SYNE1: variants seen among roughly 807,000 people sequenced by gnomAD.
SYNE1 encodes the protein spectrin repeat containing nuclear envelope protein 1.
Under a neutral mutation model 1,111.0 loss-of-function variants are expected in SYNE1, and 616 were observed. That is an observed-to-expected ratio of 0.55 (90% CI 0.52 to 0.59). The LOEUF (loss-of-function observed/expected upper bound fraction) is 0.59. Ranked by LOEUF, SYNE1 falls within the 20% of genes least tolerant of loss-of-function variation. The pLI is 0.00. For synonymous variants in SYNE1, 3,855 were observed against 3,825.8 expected (o/e 1.01, Z -0.28); for missense variants, 10,006 against 10,417.0 (o/e 0.96, Z 1.72).
At chr6:152,285,969 T>C (rs1054801921) in intron 95 of SYNE1, among the ~76,000 whole-genome samples, 14 of 152,232 alleles carry the variant, frequency 9.2e-5, no homozygotes, top group Admixed American at 8.5e-4. Flanking sequence ...ATAGGCTTTA[T>C]ATTTGCCAGC....
At chr6:152,362,040 T>C (rs2096940715) in intron 64 of SYNE1, 130 bp downstream of exon 64, 1 of 1,257,820 alleles carries the variant, frequency 8.0e-7, no homozygotes, top group South Asian at 1.3e-5. Flanking sequence ...TTAGAGATTA[T>C]ACTAAAAGCC....
rs868782592 is a variant in SYNE1 at position 152,362,316 on chromosome 6, C to T, written c.10153G>A (p.Glu3385Lys). 5.6e-6 allele frequency: 9 copies of T among 1,614,186 alleles called. No homozygotes were observed. The highest frequency in any genetic ancestry group is 2.2e-5 in the South Asian group (2 of 91,086). ...CTTGTCCACTTGGAGAGAGCTCCTTCGAGTTGGCTGAAAGGGATTTGAAAG... is the reference window on the plus strand; with the variant it reads ...CTTGTCCACTTGGAGAGAGCTCCTTTGAGTTGGCTGAAAGGGATTTGAAAG... ...SAGIRCKSQL[E>K]GALSKWTSYQ... The change falls in exon 64 of 146, where the codon GAA becomes AAA. Residue 3385 changes from glutamate (E) to lysine (K), a missense_variant. Physicochemically the swap from Glu to Lys is moderately conservative, Grantham distance 56 (BLOSUM62 1). Around this residue, in one of 7 missense-constraint regions of SYNE1, gnomAD observed 4,955 missense variants for 5,017.2 expected, o/e 0.99. Coordinates refer to ENST00000367255, the MANE Select transcript of SYNE1 (RefSeq NM_182961.4).
chr6:152,370,131 T>A (rs553453065), intron 59 of SYNE1, among the ~76,000 whole-genome samples: 58 of 152,120 alleles, frequency 3.8e-4, no homozygotes, highest in African/African-American at 6.7e-4. Flanking sequence ...GAAAATAGAA[T>A]TTTTCCCCCC....
chr6:152,520,693 T>C (rs776311117), intron 5 of SYNE1, 151 bp from the exon 6 acceptor site: 7 of 796,500 alleles, frequency 8.8e-6, no homozygotes, highest in Non-Finnish European at 1.4e-5. Flanking sequence ...AGCAAATACA[T>C]AAAGGGGTGT....
chr6:152,308,542 G>A lies in SYNE1; in HGVS notation c.17293C>T (p.Pro5765Ser). 1 of 1,613,582 alleles carries A rather than the reference G, an allele frequency of 6.2e-7. No individual in the cohort carries two copies. The highest frequency in any genetic ancestry group is 8.5e-7 in the Non-Finnish European group (1 of 1,179,916). ...TCCTGTATGTTACTGGTGGCAACAG[G>A]TTTATCCTCAATCTCTCTGTGAGCT... ...EGAHREIEDK[P>S]VATSNIQELQ... is the part of the protein sequence containing the mutation. The change falls in exon 91 of 146, where the codon CCT becomes TCT. Residue 5765 changes from proline (P) to serine (S), a missense_variant. Transcript: ENST00000367255.
intron 122 of SYNE1, 110 bp from the exon 123 acceptor site, chr6:152,213,869 CA>C: frequency 6.7e-7 from 1 of 1,482,342 alleles, no homozygotes; most frequent in Non-Finnish European, 9.3e-7. Context: ...ATTGAACCAC[CA>C]CAAAGCTTTC....
intron 131 of SYNE1, 76 bp from the exon 132 acceptor site, chr6:152,156,173 G>A (rs2061343847): frequency 1.4e-6 from 2 of 1,472,750 alleles, no homozygotes; most frequent in Non-Finnish European, 1.9e-6. Flanking sequence ...ACCTATGTTG[G>A]TAAATGGCTA....
At position 152,362,966 on chromosome 6, in the gene SYNE1, T is replaced by C. The variant is rs576778868; in HGVS notation, c.10146-643A>G. Among the ~76,000 whole-genome samples the C allele has an allele frequency of 4.9e-4, 74 of 151,508 alleles. 1 individual carries two copies. The highest frequency in any genetic ancestry group is 1.5e-3 in the South Asian group (7 of 4,786). ...CGCGATCTCGGCTCACTGCAAGCTC[T>C]GCCTCCCGGGTTCACGCCATTCTCC... On this transcript the variant is annotated intron_variant, in intron 63 of 145. Coordinates refer to ENST00000367255, the MANE Select transcript of SYNE1 (RefSeq NM_182961.4).
In SYNE1 at chr6:152,395,632, A is replaced by G. The variant is rs1212158323; in HGVS notation, c.7596T>C (p.His2532=). The G allele has an allele frequency of 1.2e-6, 2 of 1,614,142 alleles. No individual in the cohort carries two copies. The highest frequency in any genetic ancestry group is 1.1e-5 in the South Asian group (1 of 91,086). Residue 2532 remains histidine (H), a synonymous_variant, in exon 51 of 146, where the codon CAT becomes CAC. Transcript: ENST00000367255. ...DQHRKLNLWI[H]EMEERFNTEN... The stretch of plus-strand genomic sequence containing the variant: ...CCGTATTGAACCTTTCTTCCATTTC[A>G]TGGATCCATAAGTTCAGTTTTCTGT...
chr6:152,139,893 G>A lies in SYNE1; in HGVS notation c.25458+57C>T, dbSNP rs1275967729. On this transcript the variant is annotated intron_variant, in intron 140 of 145. Transcript: ENST00000367255. ...TCGAACTAGAGGTGCCATCTGCACG[G>A]TCGTTCACGCGGTGGCTCTCTGTTT... 7.6e-6 allele frequency: 12 copies of A among 1,585,084 alleles called. No individual in the cohort carries two copies. The East Asian group carries it at 2.5e-4, about 33-fold the overall frequency.
At chr6:152,135,003 A>T (rs1252977424) in intron 142 of SYNE1, 101 bp downstream of exon 142, 1 of 1,373,900 alleles carries the variant, frequency 7.3e-7, no homozygotes, top group African/African-American at 1.5e-5. Context: ...GCAAAAAGTT[A>T]AAAAAAAAGA....
At chr6:152,369,306 C>T in intron 60 of SYNE1, 165 bp downstream of exon 60, 1 of 1,364,206 alleles carries the variant, frequency 7.3e-7, no homozygotes, top group Non-Finnish European at 1.0e-6. Context: ...AATCATACTT[C>T]CAAGGAAAGT....
chr6:152,519,144 T>A (rs376054382), intron 6 of SYNE1, among the ~76,000 whole-genome samples: 20 of 152,074 alleles, frequency 1.3e-4, no homozygotes, highest in South Asian at 1.2e-3. Context: ...TAATAATAAT[T>A]TAAAAAAAGA....
Position 152,206,212 on chromosome 6 carries a change from T to C in SYNE1, c.22975A>G (p.Met7659Val). The change falls in exon 126 of 146, where the codon ATG becomes GTG. Residue 7659 changes from methionine to valine, a missense_variant. This residue lies in a region of SYNE1 where 2,182 missense variants were observed against 2,287.8 expected (regional missense o/e 0.95). Coordinates refer to ENST00000367255, the MANE Select transcript of SYNE1 (RefSeq NM_182961.4). ...TTTTTCTTCTGTTCTTCCAGCCGCA[T>C]GCTGGCTGATTTCCATTTCTCTTGG... is the stretch of plus-strand genomic sequence containing the variant. ...EIQEKWKSASMRLEEQKKKLA... is the reference protein window; with the variant it reads ...EIQEKWKSASVRLEEQKKKLA... 4.3e-6 allele frequency: 7 copies of C among 1,613,862 alleles called. No individual in the cohort carries two copies. The highest frequency in any genetic ancestry group is 5.1e-6 in the Non-Finnish European group (6 of 1,180,036).
At chr6:152,521,399 G>A (rs1040080606) in intron 5 of SYNE1, among the ~76,000 whole-genome samples, 1 of 152,182 alleles carries the variant, frequency 6.6e-6, no homozygotes, top group Non-Finnish European at 1.5e-5. Flanking sequence ...CGAAGGGAAT[G>A]TGACTTCCAT....
intron 3 of SYNE1, among the ~76,000 whole-genome samples, chr6:152,593,934 G>A (rs1330103047): frequency 6.6e-6 from 1 of 152,046 alleles, no homozygotes; most frequent in Non-Finnish European, 1.5e-5. Context: ...ACTAAGGTCT[G>A]GAAAAAACCA....
chr6:152,512,021 C>T (rs2099087579), intron 6 of SYNE1, among the ~76,000 whole-genome samples: 1 of 152,132 alleles, frequency 6.6e-6, no homozygotes, highest in Non-Finnish European at 1.5e-5. Context: ...AGACCTCTAG[C>T]TCAATAATTC....
chr6:152,130,103 G>A (rs1280560365), intron 145 of SYNE1, among the ~76,000 whole-genome samples: 4 of 152,102 alleles, frequency 2.6e-5, no homozygotes, highest in South Asian at 2.1e-4. Context: ...TGGCTGCTGC[G>A]GGTTCCAGAG....
intron 121 of SYNE1, among the ~76,000 whole-genome samples, chr6:152,217,611 G>C (rs1313569702): frequency 6.6e-6 from 1 of 152,066 alleles, no homozygotes; most frequent in African/African-American, 2.4e-5. Context: ...GGAGGCGGCT[G>C]TAGGGTCTCA....
Sources: gnomAD v4.1 joint callset for allele counts (sites outside exome capture counted in the v4.1 genomes callset) on GRCh38, gnomAD v4.1.1 for gene constraint, gnomAD v4.1.1 regional missense constraint, MANE v1.5 for transcripts, NCBI Gene and HGNC (gene_info 2026-07-23, HGNC 2026-07-21) for gene names.